Variants in CHST9 observed in about 807,000 individuals in gnomAD.
CHST9 encodes the protein carbohydrate sulfotransferase 9.
Under a neutral mutation model 44.4 loss-of-function variants are expected in CHST9, and 41 were observed. The observed-to-expected ratio is 0.92, with a 90% CI of 0.72 to 1.20. CHST9 has a LOEUF of 1.20. Among genes scored for constraint, CHST9 ranks in the 50% most tolerant of loss-of-function variants. CHST9 has a pLI of 0.00. For synonymous variants in CHST9, 171 were observed against 178.4 expected, an observed-to-expected ratio of 0.96 and a Z score of 0.33; for missense variants, 504 against 516.5, an observed-to-expected ratio of 0.98 and a Z score of 0.23.
At chr18:26,986,864 G>T (rs2056760121) in intron 4 of CHST9, among the ~76,000 whole-genome samples, 2 of 152,048 alleles carry the variant, frequency 1.3e-5, no homozygotes, top group African/African-American at 4.8e-5. Flanking sequence ...GTTAAATAAA[G>T]ATGTTTGTGT....
At chr18:27,153,568 A>ATG (rs35308421) in intron 1 of CHST9, among the ~76,000 whole-genome samples, 1,857 of 120,846 alleles carry the variant, frequency 0.015, 27 homozygotes, top group African/African-American at 0.048. Flanking sequence ...GTGTGTGTGT[A>ATG]TGTGTGTGTG....
chr18:26,980,167 TCTATATAAC>T (rs1349447603), intron 4 of CHST9, among the ~76,000 whole-genome samples: 1 of 152,142 alleles, frequency 6.6e-6, no homozygotes, highest in East Asian at 1.9e-4. Context: ...CCTCTGTGCT[TCTATATAAC>T]CCTTCACTAT....
intron 2 of CHST9, among the ~76,000 whole-genome samples, chr18:27,135,373 T>C (rs955937699): frequency 6.6e-6 from 1 of 152,216 alleles, no homozygotes; most frequent in African/African-American, 2.4e-5. Context: ...TTTCACTTTG[T>C]TGGTCTCACT....
chr18:26,938,082 C>A (rs191905263), intron 5 of CHST9, among the ~76,000 whole-genome samples: 1 of 139,078 alleles, frequency 7.2e-6, no homozygotes, highest in Admixed American at 7.7e-5. Flanking sequence ...TTATTCCAAC[C>A]ACTATTTTCT....
intron 4 of CHST9, among the ~76,000 whole-genome samples, chr18:26,975,892 G>C (rs1249685262): frequency 1.3e-5 from 2 of 151,258 alleles, no homozygotes; most frequent in Non-Finnish European, 2.9e-5. Context: ...TATTCACCTT[G>C]GGGCAAAGGA....
At position 27,067,827 on chromosome 18, in the gene CHST9, C is replaced by T. The variant is rs192274225; in HGVS notation, c.122-19324G>A. ...CCTCTATCATTTTATTGCAGCCACA[C>T]TAGGGCGTGGTCTGGAGAAAGGGTA... On this transcript the variant is annotated intron_variant, in intron 2 of 5. Coordinates refer to ENST00000618847, the MANE Select transcript of CHST9 (RefSeq NM_031422.6). Among the ~76,000 whole-genome samples the T allele has an allele frequency of 1.2e-3, 182 of 152,288 alleles. 2 individuals are homozygous for T. Among genetic ancestry groups the T allele is most frequent in the African/African-American group, 4.0e-3 (168 of 41,558 alleles).
At chr18:27,084,989 T>C (rs2057997762) in intron 2 of CHST9, among the ~76,000 whole-genome samples, 1 of 152,148 alleles carries the variant, frequency 6.6e-6, no homozygotes, top group African/African-American at 2.4e-5. Context: ...TCTATTTTTA[T>C]TGCACTGTGG....
intron 2 of CHST9, among the ~76,000 whole-genome samples, chr18:27,126,276 A>T (rs2058422969): frequency 6.6e-6 from 1 of 152,202 alleles, no homozygotes; most frequent in Non-Finnish European, 1.5e-5. Flanking sequence ...GATATTTTCA[A>T]ATTGAGTTAA....
rs371330002 is a variant in CHST9, at chr18:27,142,942, T to C, written c.-96-37A>G. ...AAAAGAAATCTACATTGTACATTTC[T>C]GCTAATATTAATTCTCAAATACGGC... On this transcript the variant is annotated intron_variant, in intron 1 of 5. Transcript: ENST00000618847. 5.5e-5 allele frequency: 42 copies of C among 762,530 alleles called. 1 individual carries two copies. The South Asian group carries it at 9.7e-4, about 18-fold the overall frequency. 47.2% of individuals were successfully genotyped at this position (762,530 alleles called of 1,614,324 possible).
intron 2 of CHST9, among the ~76,000 whole-genome samples, chr18:27,120,578 C>T (rs1344613954): frequency 1.4e-5 from 2 of 147,938 alleles, no homozygotes; most frequent in Middle Eastern, 3.4e-3. Context: ...CAGTAATCCA[C>T]GTTAAAAAAA....
chr18:27,107,069 T>C (rs969356943), intron 2 of CHST9, among the ~76,000 whole-genome samples: 1 of 151,724 alleles, frequency 6.6e-6, no homozygotes, highest in Non-Finnish European at 1.5e-5. Flanking sequence ...AGAAAAAAGG[T>C]GAAGTGTGAA....
In CHST9 at chr18:27,008,224, C is replaced by T. The variant is rs749085501; in HGVS notation, c.202+15892G>A. ...AGAGATAGATCTCAGCAGGTGCCTT[C>T]TATTAACTTCTCTGGAACATGAAAG... On this transcript the variant is annotated intron_variant, in intron 4 of 5. Coordinates refer to ENST00000618847, the MANE Select transcript of CHST9 (RefSeq NM_031422.6). Among the ~76,000 whole-genome samples the T allele has an allele frequency of 1.9e-3, 283 of 152,246 alleles. 1 individual carries two copies. Among genetic ancestry groups the T allele is most frequent in the Non-Finnish European group, 1.5e-3 (105 of 68,008 alleles).
At chr18:26,955,579 G>T (rs530381557) in intron 4 of CHST9, among the ~76,000 whole-genome samples, 1 of 152,152 alleles carries the variant, frequency 6.6e-6, no homozygotes, top group Non-Finnish European at 1.5e-5. Context: ...GAGAGCCCAG[G>T]CACTGGAGAA....
chr18:27,103,447 G>A (rs79536620), intron 2 of CHST9, among the ~76,000 whole-genome samples: 5 of 152,122 alleles, frequency 3.3e-5, no homozygotes, highest in African/African-American at 1.2e-4. Flanking sequence ...CTCAGTCAAG[G>A]TCCCCCTCCA....
chr18:27,072,037 T>C (rs1375644953), intron 2 of CHST9, among the ~76,000 whole-genome samples: 2 of 152,246 alleles, frequency 1.3e-5, no homozygotes, highest in Non-Finnish European at 2.9e-5. Context: ...TTAGGATGAA[T>C]GTTGACTCAA....
intron 4 of CHST9, 49 bp downstream of exon 4, chr18:27,024,067 G>C: frequency 2.6e-6 from 4 of 1,557,564 alleles, no homozygotes; most frequent in Non-Finnish European, 3.5e-6. Context: ...TTGTTGCTCT[G>C]CTTATCTATA....
At chr18:26,980,311 A>G (rs772920635) in intron 4 of CHST9, among the ~76,000 whole-genome samples, 5 of 152,202 alleles carry the variant, frequency 3.3e-5, no homozygotes, top group Non-Finnish European at 7.4e-5. Flanking sequence ...TAGAAGTGTA[A>G]CAGATTCACA....
intron 4 of CHST9, among the ~76,000 whole-genome samples, chr18:26,964,605 G>A (rs935407184): frequency 2.0e-5 from 3 of 152,184 alleles, no homozygotes; most frequent in Admixed American, 6.5e-5. Flanking sequence ...CTGGCTTCTG[G>A]GTCTACCAGT....
chr18:27,141,913 T>C (rs944160015), intron 2 of CHST9, among the ~76,000 whole-genome samples: 35 of 152,100 alleles, frequency 2.3e-4, no homozygotes, highest in Non-Finnish European at 4.4e-4. Flanking sequence ...ATATTCTAAG[T>C]TTTTTACTTT....
Sources: allele counts gnomAD v4.1 joint callset (sites outside exome capture counted in the v4.1 genomes callset), GRCh38; gene constraint gnomAD v4.1.1; transcripts MANE v1.5; gene names NCBI Gene and HGNC (gene_info 2026-07-23, HGNC 2026-07-21).